The following GOLGA4 variants were observed in gnomAD, a reference collection of about 807,000 sequenced individuals.
The protein encoded by GOLGA4 is golgin subfamily A member 4.
In GOLGA4, 169 loss-of-function variants were observed where a neutral mutation model predicts 265.9. That is an observed-to-expected ratio of 0.64 (90% CI 0.56 to 0.72). The LOEUF (loss-of-function observed/expected upper bound fraction) is 0.72. Ranked by LOEUF, GOLGA4 falls within the 30% of genes least tolerant of loss-of-function variation. The pLI, the probability that GOLGA4 is intolerant of heterozygous loss-of-function variation, is 0.00. For missense variants in GOLGA4, 2,482 were observed against 2,483.4 expected (o/e 1.00, Z 0.01); for synonymous variants, 923 against 855.8 (o/e 1.08, Z -1.37).
rs761996909 is a variant in GOLGA4 at position 37,327,180 on chromosome 3, C to T, written c.5294C>T (p.Ser1765Phe). The part of the protein sequence containing the change: ...VGQEKEETVS[S>F]HFEMRCQYQE... Reference sequence around the variant, plus strand: ...CAGGAAAAAGAAGAGACAGTTTCTTCTCATTTTGAAATGCGATGCCAATAC... The same window carrying T: ...CAGGAAAAAGAAGAGACAGTTTCTTTTCATTTTGAAATGCGATGCCAATAC... The change falls in exon 14 of 24, where the codon TCT (serine) becomes TTT (phenylalanine). Residue 1765 changes from serine to phenylalanine, a missense_variant. Around this residue, in one of 3 missense-constraint regions of GOLGA4, gnomAD observed 942 missense variants for 983.1 expected, o/e 0.96. Transcript: ENST00000361924. 1.5e-4 allele frequency: 246 copies of T among 1,613,712 alleles called. No homozygotes were observed. Among genetic ancestry groups the T allele is most frequent in the Non-Finnish European group, 1.9e-4 (224 of 1,179,846 alleles).
Position 37,282,281 on chromosome 3 carries a change from A to G in GOLGA4, c.477+9A>G, listed in dbSNP as rs763559580. 6 of 1,608,494 alleles carry G rather than the reference A, an allele frequency of 3.7e-6. No individual in the cohort carries two copies. The African/African-American group carries it at 8.0e-5, about 21-fold the overall frequency. On this transcript the variant is annotated intron_variant, in intron 3 of 23. Transcript: ENST00000361924. The stretch of plus-strand genomic sequence containing the variant: ...GGGGAAAATATTCTGAGGTAGGAGC[A>G]TGACCTTTTTGCCTGTACAAAAATT...
Position 37,366,385 on chromosome 3 carries a change from T to G in GOLGA4, c.*339T>G, listed in dbSNP as rs370590545. ...ACATAATATTCCTTTCATCCATTCT[T>G]TTTAAAGAACGGCTTACCTTTCCTA... On this transcript the variant is annotated 3_prime_UTR_variant, in exon 24 of 24. Coordinates refer to ENST00000361924, the MANE Select transcript of GOLGA4 (RefSeq NM_002078.5). 9.3e-5 allele frequency: 33 copies of G among 354,456 alleles called. No individual in the cohort carries two copies. Among genetic ancestry groups the G allele is most frequent in the African/African-American group, 4.8e-4 (23 of 47,792 alleles). 22.0% of individuals were successfully genotyped at this position (354,456 alleles called of 1,614,324 possible).
Position 37,327,714 on chromosome 3 carries a change from G to A in GOLGA4, c.5828G>A (p.Gly1943Asp), listed in dbSNP as rs755969021. The A allele has an allele frequency of 4.3e-6, 7 of 1,613,724 alleles. No individual in the cohort carries two copies. The African/African-American group carries it at 9.3e-5, about 22-fold the overall frequency. Residue 1943 changes from glycine to aspartate, a missense_variant, in exon 14 of 24, where the codon GGC (glycine) becomes GAC (aspartate). Gly to Asp is a moderately conservative substitution (Grantham distance 94). Coordinates refer to ENST00000361924, the MANE Select transcript of GOLGA4 (RefSeq NM_002078.5). ...AGAEREKQKL[G>D]KEIVRLQKDL... ...GCAGAACGGGAGAAACAGAAACTGG[G>A]CAAGGAGATTGTTAGATTGCAGAAA...
At chr3:37,337,582 C>A in intron 18 of GOLGA4, 84 bp from the exon 19 acceptor site, 1 of 876,640 alleles carries the variant, frequency 1.1e-6, no homozygotes, top group Non-Finnish European at 1.9e-6. Context: ...AAAAGACTAA[C>A]AAAAATTTCC....
chr3:37,359,252 T>C (rs927260248), intron 22 of GOLGA4, among the ~76,000 whole-genome samples: 17 of 152,174 alleles, frequency 1.1e-4, no homozygotes, highest in Non-Finnish European at 2.1e-4. Flanking sequence ...AGTTCTTGGC[T>C]CATCTAATTG....
In GOLGA4 at chr3:37,326,218, A is replaced by G. The variant is rs1158060818; in HGVS notation, c.4332A>G (p.Glu1444=). The G allele has an allele frequency of 6.2e-7, 1 of 1,613,582 alleles. No homozygotes were observed. Among genetic ancestry groups the G allele is most frequent in the African/African-American group, 1.3e-5 (1 of 74,924 alleles). ...QVDDWSNKFS[E]WKKKAQSRFT... ...ATGACTGGTCCAATAAATTCTCAGAATGGAAGAAGAAAGCACAGTCAAGAT... is the reference window on the plus strand; with the variant it reads ...ATGACTGGTCCAATAAATTCTCAGAGTGGAAGAAGAAAGCACAGTCAAGAT... The change falls in exon 14 of 24, where the codon GAA becomes GAG. Residue 1444 remains glutamate (E), a synonymous_variant. Coordinates refer to ENST00000361924, the MANE Select transcript of GOLGA4 (RefSeq NM_002078.5).
chr3:37,314,655 A>ACG (rs1409222817), intron 10 of GOLGA4, among the ~76,000 whole-genome samples: 1 of 146,710 alleles, frequency 6.8e-6, no homozygotes, highest in African/African-American at 2.7e-5. Context: ...ACACACACAC[A>ACG]CACACACACA....
intron 21 of GOLGA4, among the ~76,000 whole-genome samples, chr3:37,350,035 C>T (rs1371728607): frequency 6.6e-6 from 1 of 152,080 alleles, no homozygotes; most frequent in Non-Finnish European, 1.5e-5. Flanking sequence ...TCAGCCTGTT[C>T]TCCTTTTCAA....
At position 37,281,938 on chromosome 3, in the gene GOLGA4, C is replaced by T. The variant is rs750375354; in HGVS notation, c.163-20C>T. 4.9e-5 allele frequency: 77 copies of T among 1,578,240 alleles called. No individual in the cohort carries two copies. Among genetic ancestry groups the T allele is most frequent in the Non-Finnish European group, 6.5e-5 (75 of 1,153,426 alleles). On this transcript the variant is annotated intron_variant, in intron 2 of 23. Coordinates refer to ENST00000361924, the MANE Select transcript of GOLGA4 (RefSeq NM_002078.5). ...ATGTATGTATTTTAATCCACACATT[C>T]TGTTGGGTTTTGGTTGCAGTCAGGT...
intron 23 of GOLGA4, among the ~76,000 whole-genome samples, chr3:37,362,185 GTTCTT>G (rs1422358546): frequency 3.3e-5 from 5 of 150,390 alleles, no homozygotes; most frequent in African/African-American, 1.2e-4. Context: ...ACATTTCTCC[GTTCTT>G]TTAAGCTTTT....
intron 2 of GOLGA4, among the ~76,000 whole-genome samples, chr3:37,253,090 A>G (rs376849843): frequency 1.3e-5 from 2 of 150,798 alleles, no homozygotes; most frequent in East Asian, 3.8e-4. Context: ...TTCTGCAAAA[A>G]TAAAATAAAA....
chr3:37,337,826 AT>A lies in GOLGA4; in HGVS notation c.6396+97del, dbSNP rs1486222228. 4.8e-5 allele frequency: 39 copies of A among 819,334 alleles called. No homozygotes were observed. In the African/African-American group the frequency reaches 6.3e-4, roughly 13 times the overall value. The allele number at this position is 819,334 out of a possible 1,614,324, so 50.8% of individuals were successfully genotyped here. On this transcript the variant is annotated intron_variant, in intron 19 of 23. Coordinates refer to ENST00000361924, the MANE Select transcript of GOLGA4 (RefSeq NM_002078.5). ...TACTTTTTAAATAGTTGGCTTTGAA[AT>A]TTTTCAGTCTTACACCCAGGAAATT... is the stretch of plus-strand genomic sequence containing the variant.
rs550511579 is a variant in GOLGA4, at chr3:37,255,896, G to A, written c.162+4412G>A. ...GCCTCGTAAAGTGCTGGGATTACAG[G>A]CATGAGTCACCGCACAGGGCCAAAC... On this transcript the variant is annotated intron_variant, in intron 2 of 23. Transcript: ENST00000361924. Among the ~76,000 whole-genome samples the A allele has an allele frequency of 2.0e-5, 3 of 152,102 alleles. No homozygotes were observed. The East Asian group carries it at 5.8e-4, about 29-fold the overall frequency.
In GOLGA4 at chr3:37,326,288, G is replaced by C. The variant is rs756429245; in HGVS notation, c.4402G>C (p.Glu1468Gln). 6.2e-7 allele frequency: 1 copy of C among 1,612,614 alleles called. No homozygotes were observed. Among genetic ancestry groups the C allele is most frequent in the Non-Finnish European group, 8.5e-7 (1 of 1,179,236 alleles). Residue 1468 changes from glutamate (E) to glutamine (Q), a missense_variant, in exon 14 of 24, where the codon GAG (glutamate) becomes CAG (glutamine). Glu to Gln is a conservative substitution (Grantham distance 29, BLOSUM62 2). Transcript: ENST00000361924. ...TGTTAAAGAATTGCAGATCCAGCTT[G>C]AGTTAAAATCAAAGGAAGCTTATGA... The part of the protein sequence containing the change: ...NTVKELQIQL[E>Q]LKSKEAYEKD...
At chr3:37,298,705 C>CA (rs1363878607) in intron 7 of GOLGA4, 128 bp from the exon 8 acceptor site, 1 of 636,990 alleles carries the variant, frequency 1.6e-6, no homozygotes, top group Non-Finnish European at 2.8e-6. Context: ...CGAACAATGA[C>CA]AGCTTAAAGG....
chr3:37,273,746 C>T (rs1237572836), intron 2 of GOLGA4: 7 of 566,832 alleles, frequency 1.2e-5, no homozygotes, highest in South Asian at 2.3e-5. Flanking sequence ...CAGGTTTGCT[C>T]ATGGTTTCTT....
intron 2 of GOLGA4, among the ~76,000 whole-genome samples, chr3:37,277,465 A>G (rs898902549): frequency 3.3e-4 from 50 of 152,218 alleles, no homozygotes; most frequent in Non-Finnish European, 3.2e-4. Flanking sequence ...TAGTATAGCT[A>G]TTGTAAACAG....
chr3:37,332,204 A>G (rs1009440219), intron 16 of GOLGA4, among the ~76,000 whole-genome samples: 2 of 152,200 alleles, frequency 1.3e-5, no homozygotes, highest in African/African-American at 2.4e-5. Context: ...GTTCCAGCCA[A>G]ACTCAACCAT....
At position 37,296,099 on chromosome 3, in the gene GOLGA4, AAAC is replaced by A. The variant is rs772192947; in HGVS notation, c.698_700del (p.Gln233del). ...ACATTTATATTAGGTTTCTCTACTG[AAAC>A]AACGATTACGAAATGGCCCGATGAA... On this transcript the variant is annotated inframe_deletion, in exon 7 of 24. Transcript: ENST00000361924. 5.0e-6 allele frequency: 8 copies of A among 1,613,840 alleles called. No homozygotes were observed. The African/African-American group carries it at 5.3e-5, about 11-fold the overall frequency.
Sources: allele counts gnomAD v4.1 joint callset (sites outside exome capture counted in the v4.1 genomes callset), GRCh38; gene constraint gnomAD v4.1.1; regional missense constraint gnomAD v4.1.1; transcripts MANE v1.5; gene names NCBI Gene and HGNC (gene_info 2026-07-23, HGNC 2026-07-21).